GSK3B: variants seen among roughly 807,000 people sequenced by gnomAD.
GSK3B encodes the protein glycogen synthase kinase 3 beta, also known as glycogen synthase kinase-3 beta.
A neutral mutation model predicts 56.4 loss-of-function variants in GSK3B; 15 were observed. That is an observed-to-expected ratio of 0.27 (90% CI 0.18 to 0.41). The LOEUF is 0.41. Among genes scored for constraint, GSK3B ranks in the 10% least tolerant of loss-of-function variants. The pLI is 1.00. For synonymous variants in GSK3B, 181 were observed against 188.9 expected, an observed-to-expected ratio of 0.96 and a Z score of 0.34; for missense variants, 300 against 513.4, an observed-to-expected ratio of 0.58 and a Z score of 4.02.
chr3:119,888,571 T>C (rs1401284388), intron 7 of GSK3B, among the ~76,000 whole-genome samples: 5 of 152,124 alleles, frequency 3.3e-5, no homozygotes, highest in African/African-American at 1.2e-4. Flanking sequence ...ACAAATTGAC[T>C]GTAAAGCACG....
At chr3:119,942,302 ATTTT>A (rs2057057411) in intron 3 of GSK3B, among the ~76,000 whole-genome samples, 1 of 151,976 alleles carries the variant, frequency 6.6e-6, no homozygotes. Flanking sequence ...TTTTATTTTT[ATTTT>A]TTATTTTTTG....
At chr3:119,943,581 C>A (rs1479334342) in intron 3 of GSK3B, among the ~76,000 whole-genome samples, 1 of 151,874 alleles carries the variant, frequency 6.6e-6, no homozygotes, top group Non-Finnish European at 1.5e-5. Context: ...GTAATAGAGG[C>A]CCAGAGAGAA....
intron 2 of GSK3B, among the ~76,000 whole-genome samples, chr3:119,963,620 C>T (rs1399259460): frequency 2.5e-4 from 29 of 117,080 alleles, no homozygotes; most frequent in African/African-American, 1.1e-3. Flanking sequence ...CTGTCTTCTT[C>T]CCCACAAAAA....
At chr3:120,026,050 G>C (rs1335185957) in intron 1 of GSK3B, among the ~76,000 whole-genome samples, 1 of 152,070 alleles carries the variant, frequency 6.6e-6, no homozygotes, top group Non-Finnish European at 1.5e-5. Context: ...TCTCCTTCCA[G>C]CTCTTATTAA....
chr3:119,903,300 T>C (rs942882784), intron 7 of GSK3B, among the ~76,000 whole-genome samples: 5 of 152,180 alleles, frequency 3.3e-5, no homozygotes, highest in African/African-American at 1.2e-4. Flanking sequence ...ATACTTACAG[T>C]TCTCTTATCT....
chr3:120,085,116 C>CCATGT (rs780244266), intron 1 of GSK3B, among the ~76,000 whole-genome samples: 44 of 152,072 alleles, frequency 2.9e-4, no homozygotes, highest in Non-Finnish European at 3.4e-4. Flanking sequence ...AAATTTTGAA[C>CCATGT]CATGTGAGTA....
At chr3:120,045,807 T>C (rs78881033) in intron 1 of GSK3B, among the ~76,000 whole-genome samples, 3,941 of 152,286 alleles carry the variant, frequency 0.026, 173 homozygotes, top group African/African-American at 0.089. Context: ...TTACTCATAT[T>C]TGCCCAAAAG....
chr3:120,080,829 CAA>C (rs916815368), intron 1 of GSK3B, among the ~76,000 whole-genome samples: 1 of 136,152 alleles, frequency 7.3e-6, no homozygotes, highest in Admixed American at 7.4e-5. Flanking sequence ...GACTCAGTCT[CAA>C]AAAAAAAAAG....
intron 2 of GSK3B, among the ~76,000 whole-genome samples, chr3:119,962,852 T>A (rs575807865): frequency 2.4e-4 from 36 of 152,306 alleles, no homozygotes; most frequent in Non-Finnish European, 3.7e-4. Context: ...GTGTGCAACC[T>A]AAATCCCTCG....
intron 7 of GSK3B, among the ~76,000 whole-genome samples, chr3:119,888,827 A>G (rs564297704): frequency 1.3e-5 from 2 of 152,176 alleles, no homozygotes; most frequent in Admixed American, 1.3e-4. Context: ...AGGTCTATAA[A>G]CGGCTGCTCT....
intron 2 of GSK3B, among the ~76,000 whole-genome samples, chr3:119,962,842 G>A (rs2057285086): frequency 6.6e-6 from 1 of 152,230 alleles, no homozygotes; most frequent in Admixed American, 6.5e-5. Context: ...CTCATAAGGA[G>A]TGTGCAACCT....
In GSK3B at chr3:120,051,766, C is replaced by CAAA. The variant is rs145027294; in HGVS notation, c.88+41578_88+41580dup. On this transcript the variant is annotated intron_variant, in intron 1 of 10. Coordinates refer to ENST00000264235, the MANE Select transcript of GSK3B (RefSeq NM_001146156.2). ...CGGGCGACAGAGTGAGACTCTATCT[C>CAAA]AAAAAAAAAAAAAAAAGATATGAGT... Among the ~76,000 whole-genome samples the CAAA allele has an allele frequency of 5.0e-5, 5 of 100,758 alleles. No homozygotes were observed. In the East Asian group the frequency reaches 7.6e-4, roughly 15 times the overall value. 66.1% of individuals were successfully genotyped at this position (100,758 alleles called of 152,430 possible).
intron 2 of GSK3B, among the ~76,000 whole-genome samples, chr3:119,999,427 G>T (rs1051692769): frequency 3.3e-5 from 5 of 152,082 alleles, no homozygotes; most frequent in African/African-American, 1.2e-4. Context: ...TTTGTACTTA[G>T]GTTTCCTTAT....
chr3:120,094,384 G>A lies in GSK3B; in HGVS notation c.-950C>T. 1 of 311,070 alleles carries A rather than the reference G, an allele frequency of 3.2e-6. No homozygotes were observed. The highest frequency in any genetic ancestry group is 6.0e-6 in the Non-Finnish European group (1 of 167,644). 19.3% of individuals were successfully genotyped at this position (311,070 alleles called of 1,614,324 possible). ...CCTTCCTTCCTTTGTCACTTGGCCC[G>A]GGCGGCGGCGGCGGCGGCGGCGGCA... On this transcript the variant is annotated 5_prime_UTR_variant, in exon 1 of 11. Coordinates refer to ENST00000264235, the MANE Select transcript of GSK3B (RefSeq NM_001146156.2).
At chr3:119,868,417 G>GA in intron 8 of GSK3B, among the ~76,000 whole-genome samples, 1 of 152,308 alleles carries the variant, frequency 6.6e-6, no homozygotes, top group Non-Finnish European at 1.5e-5. Context: ...ACTAAAAAAT[G>GA]ACAGAGGCAA....
chr3:119,863,650 A>G, intron 8 of GSK3B, 45 bp from the exon 9 acceptor site: 1 of 1,241,810 alleles, frequency 8.1e-7, no homozygotes, highest in South Asian at 1.3e-5. Flanking sequence ...TTTTATTTTA[A>G]GAATCTAAGC....
intron 1 of GSK3B, among the ~76,000 whole-genome samples, chr3:120,007,452 A>G (rs1336151513): frequency 6.6e-6 from 1 of 152,118 alleles, no homozygotes; most frequent in East Asian, 1.9e-4. Flanking sequence ...TCTGGCAGAG[A>G]CACAACAACA....
rs950772174 is a variant in GSK3B at position 119,965,639 on chromosome 3, C to T, written c.283-18288G>A. Among the ~76,000 whole-genome samples the T allele has an allele frequency of 3.9e-5, 6 of 152,202 alleles. 1 individual carries two copies. Among genetic ancestry groups the T allele is most frequent in the Middle Eastern group, 6.8e-3 (2 of 294 alleles). ...TGTACCAATTCTGGTCCAAATTCAT[C>T]GAAAACACTTTCCATCTACCTAGGA... On this transcript the variant is annotated intron_variant, in intron 2 of 10. Transcript: ENST00000264235.
At chr3:120,031,404 A>C (rs2057974160) in intron 1 of GSK3B, among the ~76,000 whole-genome samples, 1 of 152,212 alleles carries the variant, frequency 6.6e-6, no homozygotes, top group African/African-American at 2.4e-5. Flanking sequence ...TACAAACTTG[A>C]GTCTGGGTCC....
Sources: allele counts gnomAD v4.1 joint callset (sites outside exome capture counted in the v4.1 genomes callset), GRCh38; gene constraint gnomAD v4.1.1; transcripts MANE v1.5; gene names NCBI Gene and HGNC (gene_info 2026-07-23, HGNC 2026-07-21).